The following RANBP2 variants were observed in gnomAD, a reference collection of about 807,000 sequenced individuals.
RANBP2 encodes E3 SUMO-protein ligase RanBP2.
Under a neutral mutation model 303.6 loss-of-function variants are expected in RANBP2, and 57 were observed. The ratio of observed to expected loss-of-function variants is 0.19; its 90% CI spans 0.15 to 0.23. RANBP2 has a LOEUF of 0.23. Ranked by LOEUF, RANBP2 falls within the 10% of genes least tolerant of loss-of-function variation. RANBP2 has a pLI of 1.00. For synonymous variants in RANBP2, 1,167 were observed against 1,301.5 expected, an observed-to-expected ratio of 0.90 and a Z score of 2.23; for missense variants, 3,138 against 3,780.8, an observed-to-expected ratio of 0.83 and a Z score of 4.46.
At chr2:109,685,225 A>T in the RANBP2 span, among the ~76,000 whole-genome samples, 2 of 152,178 alleles carry the variant, frequency 1.3e-5, no homozygotes, top group Non-Finnish European at 1.5e-5. Context: ...TGTGCACATG[A>T]TCATTTAGCC....
chr2:109,022,373 G>C, the RANBP2 span, among the ~76,000 whole-genome samples: 3 of 152,228 alleles, frequency 2.0e-5, no homozygotes, highest in Non-Finnish European at 4.4e-5. Flanking sequence ...CAGGCATCGT[G>C]GCAATTATGT....
At chr2:109,556,260 A>G in the RANBP2 span, among the ~76,000 whole-genome samples, 2 of 152,228 alleles carry the variant, frequency 1.3e-5, no homozygotes, top group South Asian at 4.1e-4. Context: ...GCTTGCTATA[A>G]GAATATCCCA....
downstream of RANBP2, chr2:108,788,936 G>A: frequency 1.2e-6 from 2 of 1,614,030 alleles, no homozygotes; most frequent in Non-Finnish European, 1.7e-6. Flanking sequence ...ACACCATTGG[G>A]CAGCTTATTC....
At chr2:109,018,363 C>T in the RANBP2 span, among the ~76,000 whole-genome samples, 1 of 152,186 alleles carries the variant, frequency 6.6e-6, no homozygotes, top group South Asian at 2.1e-4. Flanking sequence ...GGCTGTCAGC[C>T]GCTGTCTGCT....
At chr2:108,751,202 C>T (rs567613138) in intron 9 of RANBP2, 62 bp from the exon 10 acceptor site, 1 of 1,611,488 alleles carries the variant, frequency 6.2e-7, no homozygotes, top group East Asian at 2.2e-5. Context: ...TTTATGTTGG[C>T]AAAACTAATG....
At chr2:109,017,009 T>G in the RANBP2 span, among the ~76,000 whole-genome samples, 1 of 152,212 alleles carries the variant, frequency 6.6e-6, no homozygotes, top group Admixed American at 6.5e-5. Flanking sequence ...TTCAGAAGGT[T>G]TGCTCCCTGC....
the RANBP2 span, among the ~76,000 whole-genome samples, chr2:109,548,827 C>T: frequency 1.5e-5 from 2 of 137,878 alleles, no homozygotes; most frequent in South Asian, 5.3e-4. Context: ...GGAAATATTT[C>T]ACTGAAAATC....
chr2:108,991,972 G>C, the RANBP2 span, among the ~76,000 whole-genome samples: 18 of 152,190 alleles, frequency 1.2e-4, no homozygotes, highest in East Asian at 3.1e-3. Context: ...TCTAATTTTT[G>C]TATTTTTAGT....
the RANBP2 span, among the ~76,000 whole-genome samples, chr2:108,877,109 A>C: frequency 3.3e-5 from 5 of 152,212 alleles, no homozygotes; most frequent in Admixed American, 3.3e-4. Flanking sequence ...CCATTTTTGA[A>C]GTAGAAACAG....
intron 6 of RANBP2, among the ~76,000 whole-genome samples, chr2:108,737,350 GT>G (rs1191274465): frequency 1.4e-5 from 1 of 69,872 alleles, no homozygotes; most frequent in Non-Finnish European, 2.9e-5. Context: ...TTTTTTTTTT[GT>G]TTTTTTGAGA....
At chr2:109,347,515 C>T in the RANBP2 span, among the ~76,000 whole-genome samples, 1 of 152,134 alleles carries the variant, frequency 6.6e-6, no homozygotes, top group African/African-American at 2.4e-5. Context: ...GTTCCTGTGA[C>T]AGGCTGTTTC....
the RANBP2 span, among the ~76,000 whole-genome samples, chr2:109,202,227 G>A: frequency 3.3e-5 from 5 of 152,172 alleles, no homozygotes; most frequent in Non-Finnish European, 7.3e-5. Context: ...GTGGACTGCA[G>A]AGTGAGGATG....
At chr2:109,732,958 T>A in the RANBP2 span, 1 of 630,460 alleles carries the variant, frequency 1.6e-6, no homozygotes. Flanking sequence ...AAAAAAGAAG[T>A]AGAAATCATG....
chr2:109,234,044 C>G, the RANBP2 span, among the ~76,000 whole-genome samples: 1 of 152,160 alleles, frequency 6.6e-6, no homozygotes, highest in East Asian at 1.9e-4. Flanking sequence ...TAATATGTTT[C>G]CATTTCTCTT....
At chr2:109,206,406 G>A in the RANBP2 span, among the ~76,000 whole-genome samples, 1 of 150,354 alleles carries the variant, frequency 6.7e-6, no homozygotes, top group Admixed American at 6.7e-5. Flanking sequence ...CAGGAGAGTG[G>A]CGTGAACCTG....
At chr2:109,670,871 CT>C in the RANBP2 span, among the ~76,000 whole-genome samples, 7 of 152,206 alleles carry the variant, frequency 4.6e-5, no homozygotes, top group Non-Finnish European at 1.5e-5. Flanking sequence ...GTCTGAGTTT[CT>C]GCTGCTCCTG....
chr2:108,791,278 C>A, the RANBP2 span, among the ~76,000 whole-genome samples: 1 of 152,150 alleles, frequency 6.6e-6, no homozygotes, highest in African/African-American at 2.4e-5. Flanking sequence ...TCTAGTTCTG[C>A]TCCACTTTCT....
At chr2:109,437,520 C>T in the RANBP2 span, among the ~76,000 whole-genome samples, 1 of 152,190 alleles carries the variant, frequency 6.6e-6, no homozygotes, top group African/African-American at 2.4e-5. Flanking sequence ...CCGGCACTTT[C>T]AAATGCCTCC....
the RANBP2 span, among the ~76,000 whole-genome samples, chr2:109,633,189 TCAAGAC>T: frequency 6.6e-6 from 1 of 152,002 alleles, no homozygotes; most frequent in Non-Finnish European, 1.5e-5. Flanking sequence ...GGTCAGGAGT[TCAAGAC>T]CAGCCTGCCA....
Sources: gnomAD v4.1 joint callset for allele counts (sites outside exome capture counted in the v4.1 genomes callset) on GRCh38, gnomAD v4.1.1 for gene constraint, MANE v1.5 for transcripts, NCBI Gene and HGNC (gene_info 2026-07-23, HGNC 2026-07-21) for gene names.